Variants in CHRM3 observed in about 807,000 individuals in gnomAD.
The protein encoded by CHRM3 is muscarinic acetylcholine receptor M3.
In CHRM3, 11 loss-of-function variants were observed where a neutral mutation model predicts 41.8. That is an observed-to-expected ratio of 0.26 (90% CI 0.17 to 0.44). CHRM3 has a LOEUF of 0.44. Among genes scored for constraint, CHRM3 ranks in the 20% least tolerant of loss-of-function variants. The probability of loss-of-function intolerance (pLI) is 1.00; values close to 1 mark genes in which losing one functional copy is unlikely to be tolerated. For synonymous variants in CHRM3, 297 were observed against 301.4 expected (o/e 0.99, Z 0.15); for missense variants, 571 against 745.4 (o/e 0.77, Z 2.72).
intron 4 of CHRM3, among the ~76,000 whole-genome samples, chr1:239,661,325 C>A (rs370654200): frequency 6.6e-6 from 1 of 152,178 alleles, no homozygotes; most frequent in Non-Finnish European, 1.5e-5. Context: ...AAGCACTTAA[C>A]AACATATTTT....
At chr1:239,480,967 TACTA>T (rs1666814688) in intron 1 of CHRM3, among the ~76,000 whole-genome samples, 1 of 152,184 alleles carries the variant, frequency 6.6e-6, no homozygotes, top group African/African-American at 2.4e-5. Flanking sequence ...CTCCCTTGTA[TACTA>T]AAATGCATAA....
intron 2 of CHRM3, among the ~76,000 whole-genome samples, chr1:239,525,157 G>A (rs1363715761): frequency 6.6e-6 from 1 of 152,096 alleles, no homozygotes; most frequent in Non-Finnish European, 1.5e-5. Context: ...GAGCCCAGGA[G>A]TTGGAGACCA....
chr1:239,667,292 A>G (rs1266428890), intron 4 of CHRM3, among the ~76,000 whole-genome samples: 1 of 152,132 alleles, frequency 6.6e-6, no homozygotes, highest in Non-Finnish European at 1.5e-5. Context: ...TCTCCAAGGC[A>G]TTACTGTTCC....
intron 5 of CHRM3, among the ~76,000 whole-genome samples, chr1:239,719,310 A>T (rs1231733264): frequency 6.6e-6 from 1 of 151,974 alleles, no homozygotes; most frequent in African/African-American, 2.4e-5. Flanking sequence ...TGTCCACTTT[A>T]AACAGTAGCT....
At chr1:239,691,003 C>T (rs983743740) in intron 5 of CHRM3, among the ~76,000 whole-genome samples, 3 of 152,006 alleles carry the variant, frequency 2.0e-5, no homozygotes, top group African/African-American at 7.2e-5. Flanking sequence ...TTAGCTGTAA[C>T]CATTAGCTAT....
chr1:239,417,586 T>TG lies in CHRM3; in HGVS notation c.-521+30359_-521+30360insG, dbSNP rs1208528904. Among the ~76,000 whole-genome samples, 3 of 151,528 alleles carry TG rather than the reference T, an allele frequency of 2.0e-5. No individual in the cohort carries two copies. The East Asian group carries it at 5.8e-4, about 29-fold the overall frequency. On this transcript the variant is annotated intron_variant, in intron 1 of 6. Coordinates refer to ENST00000676153, the MANE Select transcript of CHRM3 (RefSeq NM_001375978.1). ...AATAGGTAAGATTAATTTGTTTTTT[T>TG]TTTTTTTTTTGCTTTTTCTCTTAAT... is the stretch of plus-strand genomic sequence containing the variant.
At chr1:239,865,134 G>A (rs913367068) in intron 6 of CHRM3, among the ~76,000 whole-genome samples, 3 of 152,180 alleles carry the variant, frequency 2.0e-5, no homozygotes, top group Admixed American at 6.5e-5. Flanking sequence ...ATGTAATGCA[G>A]TCCAAAGAGA....
At chr1:239,628,553 C>T (rs371778189) in intron 3 of CHRM3, among the ~76,000 whole-genome samples, 4 of 69,426 alleles carry the variant, frequency 5.8e-5, no homozygotes, top group East Asian at 1.0e-3. Context: ...TGAGGAACTG[C>T]GTTCCTTTGG....
intron 4 of CHRM3, among the ~76,000 whole-genome samples, chr1:239,632,941 C>G (rs1238438029): frequency 6.6e-6 from 1 of 152,184 alleles, no homozygotes; most frequent in Non-Finnish European, 1.5e-5. Flanking sequence ...AACTTATAAT[C>G]ATGACAGAAG....
intron 5 of CHRM3, among the ~76,000 whole-genome samples, chr1:239,808,555 T>C (rs1165249943): frequency 1.3e-5 from 2 of 152,018 alleles, no homozygotes; most frequent in Non-Finnish European, 2.9e-5. Context: ...AAGATGAGAG[T>C]CTCTTATTTG....
At chr1:239,703,139 T>A (rs1046611987) in intron 5 of CHRM3, 2 of 152,174 alleles carry the variant, frequency 1.3e-5, no homozygotes, top group African/African-American at 4.8e-5. Flanking sequence ...TCTATTCTCC[T>A]GGGAAATTCT....
At chr1:239,676,572 A>G (rs1658023632) in intron 4 of CHRM3, among the ~76,000 whole-genome samples, 2 of 152,158 alleles carry the variant, frequency 1.3e-5, no homozygotes, top group Admixed American at 6.5e-5. Flanking sequence ...CACATTCATC[A>G]TTGTGCCACA....
intron 6 of CHRM3, among the ~76,000 whole-genome samples, chr1:239,904,187 GAATCTCAGGAGTGAAGGAGATTTCAGA>G (rs1679793416): frequency 6.6e-6 from 1 of 152,166 alleles, no homozygotes; most frequent in Non-Finnish European, 1.5e-5. Flanking sequence ...CTGTGTTCAG[GAATCTCAGGAGTGAAGGAGATTTCAGA>G]AAGAGAAAGG....
At chr1:239,414,229 A>G (rs1252054611) in intron 1 of CHRM3, among the ~76,000 whole-genome samples, 1 of 152,166 alleles carries the variant, frequency 6.6e-6, no homozygotes, top group Non-Finnish European at 1.5e-5. Context: ...TCTATTCACA[A>G]TTAATTTGGT....
chr1:239,791,261 C>T (rs985510865), intron 5 of CHRM3, among the ~76,000 whole-genome samples: 7 of 152,122 alleles, frequency 4.6e-5, no homozygotes, highest in African/African-American at 1.7e-4. Flanking sequence ...TGCACCACCA[C>T]ATCCAACTGA....
At chr1:239,389,373 G>A (rs1330499881) in intron 1 of CHRM3, among the ~76,000 whole-genome samples, 1 of 152,168 alleles carries the variant, frequency 6.6e-6, no homozygotes, top group Non-Finnish European at 1.5e-5. Context: ...GTAGGGGGAA[G>A]TAAAATGTCA....
intron 6 of CHRM3, among the ~76,000 whole-genome samples, chr1:239,866,242 TG>T (rs1313538158): frequency 6.6e-6 from 1 of 152,050 alleles, no homozygotes; most frequent in African/African-American, 2.4e-5. Context: ...CCGGGCGTGG[TG>T]GCGGGCACCT....
At chr1:239,469,974 A>C (rs1466838098) in intron 1 of CHRM3, among the ~76,000 whole-genome samples, 1 of 152,050 alleles carries the variant, frequency 6.6e-6, no homozygotes, top group Non-Finnish European at 1.5e-5. Context: ...TGAAGGCTTA[A>C]GTTTGTGTCA....
At chr1:239,413,423 G>A (rs966841300) in intron 1 of CHRM3, among the ~76,000 whole-genome samples, 1 of 152,104 alleles carries the variant, frequency 6.6e-6, no homozygotes, top group African/African-American at 2.4e-5. Flanking sequence ...CCACGTAGCT[G>A]GGATTACAGG....
Sources: gnomAD v4.1 joint callset for allele counts (sites outside exome capture counted in the v4.1 genomes callset) on GRCh38, gnomAD v4.1.1 for gene constraint, MANE v1.5 for transcripts, NCBI Gene and HGNC (gene_info 2026-07-23, HGNC 2026-07-21) for gene names.